Variants in DENND4C observed in about 807,000 individuals in gnomAD.
DENND4C encodes the protein DENN domain-containing protein 4C.
DENND4C carries 108 observed loss-of-function variants against 203.0 expected under a neutral mutation model. The observed-to-expected ratio is 0.53, with a 90% CI of 0.46 to 0.62. The LOEUF (loss-of-function observed/expected upper bound fraction) is 0.62, where lower values mean the gene tolerates loss of function less well. DENND4C is among the 20% of genes least tolerant of loss of function. DENND4C has a pLI of 0.00. For synonymous variants in DENND4C, 871 were observed against 792.4 expected (o/e 1.10, Z -1.67); for missense variants, 2,481 against 2,301.2 (o/e 1.08, Z -1.60).
chr9:19,321,914 G>A (rs1326653830), intron 12 of DENND4C, among the ~76,000 whole-genome samples: 1 of 151,770 alleles, frequency 6.6e-6, no homozygotes, highest in Non-Finnish European at 1.5e-5. Context: ...GAATCCTGAA[G>A]TCATGTGATG....
chr9:19,295,757 G>T (rs987651826), intron 5 of DENND4C, among the ~76,000 whole-genome samples: 2 of 151,646 alleles, frequency 1.3e-5, no homozygotes, highest in African/African-American at 4.8e-5. Flanking sequence ...TGCTTAAGTT[G>T]TAAGAGGTTA....
chr9:19,350,847 G>A lies in DENND4C; in HGVS notation c.4463G>A (p.Ser1488Asn), dbSNP rs745991698. The change falls in exon 24 of 33, where the codon AGT (serine) becomes AAT (asparagine). Residue 1488 changes from serine to asparagine, a missense_variant. Transcript: ENST00000434457. Reference sequence around the variant, plus strand: ...ACAAGTCTTGGCAGTAGCAGCAGTAGTGGAGATGTAGGAAAACTGCATTAT... The same window carrying A: ...ACAAGTCTTGGCAGTAGCAGCAGTAATGGAGATGTAGGAAAACTGCATTAT... Reference protein sequence around the residue: ...SNTSLGSSSSSGDVGKLHYPT... With the variant: ...SNTSLGSSSSNGDVGKLHYPT... The A allele has an allele frequency of 6.2e-7, 1 of 1,613,992 alleles. No individual in the cohort carries two copies.
At position 19,276,352 on chromosome 9, in the gene DENND4C, G is replaced by T; in HGVS notation, c.178G>T (p.Gly60Cys). Reference sequence around the variant, plus strand: ...ATCAGCTGGAGAAACAGTACCTGAAGGTTACACCTGTGTAGAAGCCACTCC... The same window carrying T: ...ATCAGCTGGAGAAACAGTACCTGAATGTTACACCTGTGTAGAAGCCACTCC... ...IKSAGETVPE[G>C]YTCVEATPSA... Residue 60 changes from glycine (G) to cysteine (C), a missense_variant, in exon 2 of 33, where the codon GGT becomes TGT. Coordinates refer to ENST00000434457, the MANE Select transcript of DENND4C (RefSeq NM_001330640.2). The T allele has an allele frequency of 2.4e-6, 3 of 1,232,110 alleles. No individual in the cohort carries two copies. Among genetic ancestry groups the T allele is most frequent in the South Asian group, 4.1e-5 (1 of 24,316 alleles). 76.3% of individuals were successfully genotyped at this position (1,232,110 alleles called of 1,614,324 possible). A position where few individuals can be genotyped will look rare whatever the true frequency, so the allele number is the denominator to read the frequency against.
chr9:19,283,697 G>A (rs565783837), intron 2 of DENND4C, among the ~76,000 whole-genome samples: 33 of 136,882 alleles, frequency 2.4e-4, no homozygotes, highest in Non-Finnish European at 4.7e-4. Context: ...CTGCAACTCC[G>A]CGCCCCCTCA....
intron 1 of DENND4C, among the ~76,000 whole-genome samples, chr9:19,257,184 A>G (rs1828195440): frequency 6.6e-6 from 1 of 151,188 alleles, no homozygotes; most frequent in African/African-American, 2.4e-5. Context: ...GCTATAAAAA[A>G]ATATTCTGAA....
intron 9 of DENND4C, among the ~76,000 whole-genome samples, chr9:19,303,346 T>A (rs1838982803): frequency 6.6e-6 from 1 of 152,216 alleles, no homozygotes; most frequent in Non-Finnish European, 1.5e-5. Context: ...TTGCAAATGG[T>A]GGCCGAATCC....
rs942046727 is a variant in DENND4C, at chr9:19,279,290, C to G, written c.305+2811C>G. ...GTTGCAGTGAACCAAGATCACACCA[C>G]TGCACTCCAGCCTCCCTAATCCCAA... On this transcript the variant is annotated intron_variant, in intron 2 of 32. Transcript: ENST00000434457. Among the ~76,000 whole-genome samples the G allele has an allele frequency of 4.9e-5, 4 of 82,004 alleles. 1 individual carries two copies. Among genetic ancestry groups the G allele is most frequent in the Admixed American group, 1.2e-4 (1 of 8,482 alleles). The allele number at this position is 82,004 out of a possible 152,430, so 53.8% of individuals were successfully genotyped here.
intron 2 of DENND4C, among the ~76,000 whole-genome samples, chr9:19,281,503 G>A (rs10757049): frequency 0.52 from 79,632 of 151,986 alleles, 21,031 homozygotes; most frequent in South Asian, 0.66. Flanking sequence ...ATCTCATTAA[G>A]TTTAATATGA....
chr9:19,261,141 T>G (rs1158931679), intron 1 of DENND4C, among the ~76,000 whole-genome samples: 2 of 152,188 alleles, frequency 1.3e-5, no homozygotes, highest in African/African-American at 2.4e-5. Context: ...TGTCTGTTCC[T>G]ACCACCTTTG....
At chr9:19,342,539 G>T in intron 21 of DENND4C, 94 bp from the exon 22 acceptor site, 1 of 1,324,178 alleles carries the variant, frequency 7.6e-7, no homozygotes. Flanking sequence ...CTGACTGTTG[G>T]AGAAAAATAC....
chr9:19,306,206 G>C (rs569573120), intron 10 of DENND4C, among the ~76,000 whole-genome samples: 29 of 152,292 alleles, frequency 1.9e-4, no homozygotes, highest in Non-Finnish European at 2.8e-4. Context: ...CTTCCAGGCC[G>C]TAGAACGCTT....
At chr9:19,262,073 G>GTTTTTTTT (rs1564096927) in intron 1 of DENND4C, among the ~76,000 whole-genome samples, 1 of 73,870 alleles carries the variant, frequency 1.4e-5, no homozygotes, top group African/African-American at 4.5e-5. Context: ...GAATTTATTA[G>GTTTTTTTT]TTCTTTTTTT....
intron 5 of DENND4C, chr9:19,292,501 A>G (rs944123261): frequency 6.6e-6 from 1 of 152,072 alleles, no homozygotes; most frequent in South Asian, 2.1e-4. Context: ...ATTCAGTATA[A>G]AAAGCTGATA....
chr9:19,315,334 T>A (rs1325621245), intron 10 of DENND4C, among the ~76,000 whole-genome samples: 4 of 151,844 alleles, frequency 2.6e-5, no homozygotes, highest in Admixed American at 2.6e-4. Flanking sequence ...GTGGCCTTGG[T>A]GTTACTCTGG....
At chr9:19,326,340 G>A in intron 15 of DENND4C, 146 bp downstream of exon 15, 1 of 784,290 alleles carries the variant, frequency 1.3e-6, no homozygotes, top group Non-Finnish European at 1.8e-6. Flanking sequence ...TTATGGAAAT[G>A]CCACTAGGTG....
intron 2 of DENND4C, among the ~76,000 whole-genome samples, chr9:19,278,924 A>C (rs527399656): frequency 6.6e-6 from 1 of 151,950 alleles, no homozygotes; most frequent in East Asian, 1.9e-4. Context: ...GGGCCTAACT[A>C]TTCAAATTGT....
intron 1 of DENND4C, among the ~76,000 whole-genome samples, chr9:19,244,684 G>C (rs1588723948): frequency 6.6e-6 from 1 of 150,388 alleles, no homozygotes; most frequent in African/African-American, 2.5e-5. Flanking sequence ...AGGTTGCAGT[G>C]AGCGGAGATC....
chr9:19,275,298 C>CT (rs34272025), intron 1 of DENND4C, among the ~76,000 whole-genome samples: 5 of 87,364 alleles, frequency 5.7e-5, no homozygotes, highest in Non-Finnish European at 9.0e-5. Context: ...TTTTCTTTCT[C>CT]TTTTTTTTTT....
chr9:19,299,620 T>A (rs1305358014), intron 8 of DENND4C, among the ~76,000 whole-genome samples: 1 of 152,208 alleles, frequency 6.6e-6, no homozygotes, highest in Non-Finnish European at 1.5e-5. Context: ...CAAATCCTTT[T>A]ACTTCTTTTC....
Sources: gnomAD v4.1 joint callset for allele counts (sites outside exome capture counted in the v4.1 genomes callset) on GRCh38, gnomAD v4.1.1 for gene constraint, MANE v1.5 for transcripts, NCBI Gene and HGNC (gene_info 2026-07-23, HGNC 2026-07-21) for gene names.